Variants in REC114 observed in about 807,000 individuals in gnomAD.
REC114 encodes the protein REC114 meiotic recombination protein.
Under a neutral mutation model 31.3 loss-of-function variants are expected in REC114, and 27 were observed. The ratio of observed to expected loss-of-function variants is 0.86; its 90% CI spans 0.64 to 1.19. The LOEUF (loss-of-function observed/expected upper bound fraction) is 1.19, where lower values mean the gene tolerates loss of function less well. REC114 is among the 50% of genes most tolerant of loss of function. The pLI is 0.00. For missense variants in REC114, 344 were observed against 326.9 expected, an observed-to-expected ratio of 1.05 and a Z score of -0.40; for synonymous variants, 134 against 127.7, an observed-to-expected ratio of 1.05 and a Z score of -0.33.
intron 2 of REC114, among the ~76,000 whole-genome samples, chr15:73,527,831 T>C (rs539988156): frequency 5.5e-4 from 84 of 152,194 alleles, no homozygotes; most frequent in African/African-American, 2.0e-3. Context: ...TATGAGTGGA[T>C]GGAGCTACAT....
chr15:73,552,523 G>C (rs1480251178), intron 4 of REC114, among the ~76,000 whole-genome samples: 3 of 152,136 alleles, frequency 2.0e-5, no homozygotes, highest in African/African-American at 7.2e-5. Flanking sequence ...ATAAATACCA[G>C]ATAAATGTAA....
In REC114 at chr15:73,502,020, G is replaced by A. The variant is rs368169729; in HGVS notation, c.249+28099G>A. 3.9e-5 allele frequency among the ~76,000 whole-genome samples: 6 copies of A among 152,236 alleles called. No individual in the cohort carries two copies. In the South Asian group the frequency reaches 1.2e-3, roughly 32 times the overall value. ...CTCAAAGAGTTATGAGCTGGGCACA[G>A]TGGCTCTCGCCTGTAATCCCAGCAC... On this transcript the variant is annotated intron_variant, in intron 2 of 5. Coordinates refer to ENST00000331090, the MANE Select transcript of REC114 (RefSeq NM_001042367.2).
rs1893173065 is a variant in REC114, at chr15:73,473,938, A to G, written c.249+17A>G. ...ACACTACTGGTAGGTTTTATGCATAACAGTTTAATATGGAAATACATCTTT... is the reference window on the plus strand; with the variant it reads ...ACACTACTGGTAGGTTTTATGCATAGCAGTTTAATATGGAAATACATCTTT... On this transcript the variant is annotated intron_variant, in intron 2 of 5. Transcript: ENST00000331090. The G allele has an allele frequency of 7.0e-7, 1 of 1,429,198 alleles. No homozygotes were observed. Among genetic ancestry groups the G allele is most frequent in the East Asian group, 2.3e-5 (1 of 43,048 alleles). The allele number at this position is 1,429,198 out of a possible 1,614,324, so 88.5% of individuals were successfully genotyped here. A position where few individuals can be genotyped will look rare whatever the true frequency, so the allele number is the denominator to read the frequency against.
intron 1 of REC114, among the ~76,000 whole-genome samples, chr15:73,465,247 T>G (rs1489804754): frequency 1.3e-5 from 2 of 152,336 alleles, no homozygotes; most frequent in East Asian, 3.9e-4. Context: ...GGATTGGATT[T>G]GGAAAGAGAA....
In REC114 at chr15:73,502,445, T is replaced by C. The variant is rs372726615; in HGVS notation, c.249+28524T>C. ...GTTGACTGCCTTACCAGTAAAATAA[T>C]TTTTAACACATATTTTCTATGTTAC... On this transcript the variant is annotated intron_variant, in intron 2 of 5. Coordinates refer to ENST00000331090, the MANE Select transcript of REC114 (RefSeq NM_001042367.2). Among the ~76,000 whole-genome samples, 123 of 152,260 alleles carry C rather than the reference T, an allele frequency of 8.1e-4. 3 individuals are homozygous for C. In the South Asian group the frequency reaches 0.025, roughly 31 times the overall value.
chr15:73,509,156 A>G (rs1893726450), intron 2 of REC114, among the ~76,000 whole-genome samples: 1 of 152,214 alleles, frequency 6.6e-6, no homozygotes, highest in Non-Finnish European at 1.5e-5. Context: ...GTGAGATGGT[A>G]TCTCAGAGTG....
chr15:73,552,013 TTCAGTGAA>T (rs1461552946), intron 4 of REC114, among the ~76,000 whole-genome samples: 1 of 152,214 alleles, frequency 6.6e-6, no homozygotes, highest in Non-Finnish European at 1.5e-5. Flanking sequence ...AGACAGTATA[TTCAGTGAA>T]TCAGTATTGT....
intron 1 of REC114, among the ~76,000 whole-genome samples, chr15:73,465,267 G>C (rs1213491789): frequency 6.6e-6 from 1 of 152,160 alleles, no homozygotes; most frequent in Non-Finnish European, 1.5e-5. Context: ...AGACTTCAGG[G>C]ATGCAATGAA....
chr15:73,517,061 T>C (rs966399803), intron 2 of REC114, among the ~76,000 whole-genome samples: 3 of 152,254 alleles, frequency 2.0e-5, no homozygotes, highest in African/African-American at 4.8e-5. Flanking sequence ...AGGCTTGTTC[T>C]GTGTCCACAG....
intron 1 of REC114, among the ~76,000 whole-genome samples, chr15:73,458,528 CAT>C (rs1309636754): frequency 3.9e-5 from 6 of 152,170 alleles, no homozygotes; most frequent in African/African-American, 1.2e-4. Context: ...CTCTGAGTGA[CAT>C]ATAACAGTGG....
intron 2 of REC114, among the ~76,000 whole-genome samples, chr15:73,530,524 T>A (rs1304271236): frequency 6.6e-6 from 1 of 152,102 alleles, no homozygotes; most frequent in Non-Finnish European, 1.5e-5. Context: ...GGTGCATGCC[T>A]ATGGTCCCAG....
intron 1 of REC114, among the ~76,000 whole-genome samples, chr15:73,467,620 T>C (rs1893079706): frequency 6.6e-6 from 1 of 152,234 alleles, no homozygotes; most frequent in Admixed American, 6.5e-5. Context: ...TTTGCTATTG[T>C]TAACTCACTG....
At chr15:73,552,298 G>A (rs1274141987) in intron 4 of REC114, among the ~76,000 whole-genome samples, 2 of 152,152 alleles carry the variant, frequency 1.3e-5, no homozygotes, top group Non-Finnish European at 2.9e-5. Flanking sequence ...TTTTCTTCAT[G>A]TCTTCAACCA....
intron 1 of REC114, among the ~76,000 whole-genome samples, chr15:73,455,195 AT>A (rs1892899658): frequency 6.6e-6 from 1 of 152,206 alleles, no homozygotes; most frequent in Non-Finnish European, 1.5e-5. Flanking sequence ...AGTAATAATA[AT>A]AAAAGATGAG....
chr15:73,518,879 T>C (rs1381477354), intron 2 of REC114, among the ~76,000 whole-genome samples: 1 of 152,206 alleles, frequency 6.6e-6, no homozygotes, highest in East Asian at 1.9e-4. Flanking sequence ...TTTTTAAGAC[T>C]AAAGAAAGGT....
chr15:73,528,089 T>C (rs933684679), intron 2 of REC114, among the ~76,000 whole-genome samples: 4 of 152,280 alleles, frequency 2.6e-5, no homozygotes, highest in Admixed American at 2.6e-4. Context: ...TTGTAATCTT[T>C]GGAGGATACT....
intron 1 of REC114, among the ~76,000 whole-genome samples, chr15:73,466,807 A>G (rs1182753907): frequency 6.6e-6 from 1 of 152,236 alleles, no homozygotes; most frequent in East Asian, 1.9e-4. Context: ...TTTAAATTTT[A>G]GACAAATACC....
chr15:73,554,375 T>A (rs1463508682), intron 4 of REC114, among the ~76,000 whole-genome samples: 2 of 152,244 alleles, frequency 1.3e-5, no homozygotes, highest in Non-Finnish European at 2.9e-5. Flanking sequence ...TCTGGTCATT[T>A]TGCTGCTCTC....
chr15:73,527,823 T>C (rs1053135510), intron 2 of REC114, among the ~76,000 whole-genome samples: 15 of 152,040 alleles, frequency 9.9e-5, no homozygotes, highest in African/African-American at 3.4e-4. Context: ...CTTCCAAATA[T>C]GAGTGGATGG....
Sources: allele counts gnomAD v4.1 joint callset (sites outside exome capture counted in the v4.1 genomes callset), GRCh38; gene constraint gnomAD v4.1.1; transcripts MANE v1.5; gene names NCBI Gene and HGNC (gene_info 2026-07-23, HGNC 2026-07-21).